ATXN1: variants seen among roughly 807,000 people sequenced by gnomAD.
ATXN1 encodes ataxin-1.
ATXN1 carries 8 observed loss-of-function variants against 56.4 expected under a neutral mutation model. The ratio of observed to expected loss-of-function variants is 0.14; its 90% CI spans 0.08 to 0.26. The LOEUF is 0.26. ATXN1 is among the 10% of genes least tolerant of loss of function. The pLI is 1.00. For missense variants in ATXN1, 987 were observed against 1,106.5 expected, an observed-to-expected ratio of 0.89 and a Z score of 1.53; for synonymous variants, 514 against 494.6, an observed-to-expected ratio of 1.04 and a Z score of -0.52.
chr6:16,726,576 A>G (rs573030831), intron 2 of ATXN1, among the ~76,000 whole-genome samples: 3 of 151,976 alleles, frequency 2.0e-5, no homozygotes, highest in African/African-American at 7.2e-5. Context: ...ACATAGAATA[A>G]TTTCTTGGCC....
At chr6:16,402,551 A>G (rs1293080256) in intron 6 of ATXN1, among the ~76,000 whole-genome samples, 1 of 152,184 alleles carries the variant, frequency 6.6e-6, no homozygotes, top group African/African-American at 2.4e-5. Context: ...AACATAAAAC[A>G]TTACTTATGA....
At chr6:16,602,933 C>T (rs1762938250) in intron 3 of ATXN1, among the ~76,000 whole-genome samples, 1 of 152,124 alleles carries the variant, frequency 6.6e-6, no homozygotes, top group Admixed American at 6.5e-5. Flanking sequence ...ATTTACAAAA[C>T]AGGAATTATC....
At chr6:16,731,766 C>T (rs1759993137) in intron 2 of ATXN1, among the ~76,000 whole-genome samples, 1 of 151,770 alleles carries the variant, frequency 6.6e-6, no homozygotes, top group Admixed American at 6.6e-5. Flanking sequence ...CTCTTTCTCC[C>T]ACCTACCCCC....
At chr6:16,703,252 G>A (rs548518405) in intron 2 of ATXN1, among the ~76,000 whole-genome samples, 1 of 152,174 alleles carries the variant, frequency 6.6e-6, no homozygotes, top group East Asian at 1.9e-4. Flanking sequence ...AACACCGCAT[G>A]TTCTCACTCA....
At chr6:16,356,932 A>C (rs1191286419) in intron 6 of ATXN1, among the ~76,000 whole-genome samples, 1 of 152,232 alleles carries the variant, frequency 6.6e-6, no homozygotes, top group Non-Finnish European at 1.5e-5. Flanking sequence ...CAGGGGTCAT[A>C]TAAAAAGCTA....
intron 4 of ATXN1, among the ~76,000 whole-genome samples, chr6:16,527,663 A>T (rs759616612): frequency 2.6e-5 from 4 of 152,180 alleles, no homozygotes; most frequent in African/African-American, 4.8e-5. Flanking sequence ...GCTCTTAGAA[A>T]AAACATGTCT....
intron 6 of ATXN1, among the ~76,000 whole-genome samples, chr6:16,403,742 C>G (rs1314486374): frequency 1.3e-5 from 2 of 152,158 alleles, no homozygotes; most frequent in Non-Finnish European, 2.9e-5. Flanking sequence ...CTTCTTCTAC[C>G]TCCAAAACTC....
At chr6:16,651,543 C>T (rs540017634) in intron 3 of ATXN1, among the ~76,000 whole-genome samples, 1 of 131,550 alleles carries the variant, frequency 7.6e-6, no homozygotes, top group African/African-American at 2.8e-5. Flanking sequence ...GACTCTGTCT[C>T]AAAAAAAAAA....
At chr6:16,761,059 C>T (rs1761080730) in intron 1 of ATXN1, 3 of 277,314 alleles carry the variant, frequency 1.1e-5, no homozygotes, top group Admixed American at 4.6e-5. Flanking sequence ...GTTGTATGTA[C>T]ACACATACAC....
At chr6:16,580,627 G>T (rs1161086326) in intron 4 of ATXN1, among the ~76,000 whole-genome samples, 1 of 152,172 alleles carries the variant, frequency 6.6e-6, no homozygotes, top group Non-Finnish European at 1.5e-5. Flanking sequence ...ACAACTATGT[G>T]AATGTTTCCA....
At chr6:16,754,370 A>G (rs1412883872) in intron 1 of ATXN1, among the ~76,000 whole-genome samples, 1 of 152,188 alleles carries the variant, frequency 6.6e-6, no homozygotes, top group Non-Finnish European at 1.5e-5. Context: ...ACGCCAGGTA[A>G]CAGTAGGAAG....
chr6:16,565,447 A>G (rs534203927), intron 4 of ATXN1, among the ~76,000 whole-genome samples: 3 of 152,334 alleles, frequency 2.0e-5, no homozygotes, highest in African/African-American at 7.2e-5. Flanking sequence ...AATCTCTAAC[A>G]TCATATTATT....
intron 5 of ATXN1, among the ~76,000 whole-genome samples, chr6:16,510,349 T>C (rs1761060837): frequency 6.6e-6 from 1 of 152,176 alleles, no homozygotes; most frequent in Non-Finnish European, 1.5e-5. Flanking sequence ...ACTCATCTCA[T>C]ACTTGACTGG....
intron 4 of ATXN1, among the ~76,000 whole-genome samples, chr6:16,539,898 A>G (rs1050062397): frequency 2.0e-5 from 3 of 152,174 alleles, no homozygotes; most frequent in African/African-American, 7.2e-5. Flanking sequence ...AGGCAGAAAG[A>G]TCCTCTCTGC....
At chr6:16,347,826 G>T (rs1008779983) in intron 6 of ATXN1, among the ~76,000 whole-genome samples, 1 of 152,196 alleles carries the variant, frequency 6.6e-6, no homozygotes, top group African/African-American at 2.4e-5. Context: ...CAGGCTGCCC[G>T]AGCCAGCAGT....
At chr6:16,454,314 C>T (rs191634493) in intron 6 of ATXN1, among the ~76,000 whole-genome samples, 2 of 152,206 alleles carry the variant, frequency 1.3e-5, no homozygotes, top group Admixed American at 6.5e-5. Flanking sequence ...TTGTTTTCCC[C>T]ACTCCATATT....
intron 7 of ATXN1, among the ~76,000 whole-genome samples, chr6:16,316,411 G>T (rs1760509544): frequency 6.6e-6 from 1 of 152,078 alleles, no homozygotes; most frequent in Non-Finnish European, 1.5e-5. Context: ...TATCTCCAGA[G>T]TCTAAAAGAC....
At chr6:16,734,006 C>T (rs1406380720) in intron 2 of ATXN1, among the ~76,000 whole-genome samples, 7 of 152,242 alleles carry the variant, frequency 4.6e-5, no homozygotes, top group East Asian at 1.9e-4. Flanking sequence ...GCAGGAGAAT[C>T]GCTTGAACCC....
rs531843891 is a variant in ATXN1, at chr6:16,666,604, C to T, written c.-614-8703G>A. 2.0e-5 allele frequency: 3 copies of T among 152,492 alleles called. No individual in the cohort carries two copies. The East Asian group carries it at 5.8e-4, about 29-fold the overall frequency. The allele number at this position is 152,492 out of a possible 1,614,324, so 9.4% of individuals were successfully genotyped here. On this transcript the variant is annotated intron_variant, in intron 2 of 7. Coordinates refer to ENST00000436367, the MANE Select transcript of ATXN1 (RefSeq NM_001128164.2). ...CACTGCAACCTCTGACTCCCTGGTT[C>T]CAGTGATTCTCCTGCCTCAGCCTCC...
Sources: allele counts gnomAD v4.1 joint callset (sites outside exome capture counted in the v4.1 genomes callset), GRCh38; gene constraint gnomAD v4.1.1; transcripts MANE v1.5; gene names NCBI Gene and HGNC (gene_info 2026-07-23, HGNC 2026-07-21).